The following OTUD7B variants were observed in gnomAD, a reference collection of about 807,000 sequenced individuals.
OTUD7B encodes the protein OTU domain-containing protein 7B.
OTUD7B carries 34 observed loss-of-function variants against 82.2 expected under a neutral mutation model. The ratio of observed to expected loss-of-function variants is 0.41; its 90% CI spans 0.31 to 0.55. The LOEUF is 0.55. Ranked by LOEUF, OTUD7B falls within the 20% of genes least tolerant of loss-of-function variation. OTUD7B has a pLI of 0.20. For missense variants in OTUD7B, 944 were observed against 1,062.1 expected, an observed-to-expected ratio of 0.89 and a Z score of 1.55; for synonymous variants, 398 against 402.7, an observed-to-expected ratio of 0.99 and a Z score of 0.14.
chr1:149,940,425 T>A lies in OTUD7B; in HGVS notation c.*3432A>T, dbSNP rs1239219440. The A allele has an allele frequency of 6.6e-6, 1 of 152,144 alleles. No homozygotes were observed. The highest frequency in any genetic ancestry group is 1.5e-5 in the Non-Finnish European group (1 of 68,018). The allele number at this position is 152,144 out of a possible 1,614,324, so 9.4% of individuals were successfully genotyped here. A position where few individuals can be genotyped will look rare whatever the true frequency, so the allele number is the denominator to read the frequency against. Reference sequence around the variant, plus strand: ...TAACTTTCAATAAATGCAGCATAGGTTAAGGGAGAAGCGGAGGCCTATCCT... The same window carrying A: ...TAACTTTCAATAAATGCAGCATAGGATAAGGGAGAAGCGGAGGCCTATCCT... On this transcript the variant is annotated 3_prime_UTR_variant, in exon 12 of 12. Coordinates refer to ENST00000581312, the MANE Select transcript of OTUD7B (RefSeq NM_020205.4).
chr1:150,005,767 A>G (rs1553785943), intron 1 of OTUD7B, among the ~76,000 whole-genome samples: 3 of 152,136 alleles, frequency 2.0e-5, no homozygotes, highest in Non-Finnish European at 4.4e-5. Context: ...ACAAAGCACA[A>G]GTCCTTTGAG....
the OTUD7B span, among the ~76,000 whole-genome samples, chr1:150,049,828 C>T: frequency 2.0e-5 from 3 of 152,196 alleles, no homozygotes; most frequent in South Asian, 4.2e-4. Flanking sequence ...TCCGCCTTGG[C>T]TTCCCAAAGT....
At chr1:150,018,497 T>C in the OTUD7B span, among the ~76,000 whole-genome samples, 4 of 152,188 alleles carry the variant, frequency 2.6e-5, no homozygotes, top group African/African-American at 9.7e-5. Flanking sequence ...CTGCAGCTAG[T>C]GTCATACTGC....
At chr1:149,949,961 C>G (rs1648060596) in intron 8 of OTUD7B, 133 bp downstream of exon 8, 1 of 1,349,380 alleles carries the variant, frequency 7.4e-7, no homozygotes, top group African/African-American at 1.5e-5. Context: ...GAATTTTGCA[C>G]TATTCTAATT....
rs147162087 is a variant in OTUD7B, at chr1:149,964,853, C to T, written c.605-504G>A. Reference sequence around the variant, plus strand: ...AGGTGATCCACCCACCTTGGCATCCCAAAGTGCTGGGACTACAGGCGTGAG... The same window carrying T: ...AGGTGATCCACCCACCTTGGCATCCTAAAGTGCTGGGACTACAGGCGTGAG... On this transcript the variant is annotated intron_variant, in intron 5 of 11. Coordinates refer to ENST00000581312, the MANE Select transcript of OTUD7B (RefSeq NM_020205.4). Among the ~76,000 whole-genome samples, 302 of 150,510 alleles carry T rather than the reference C, an allele frequency of 2.0e-3. 2 individuals are homozygous for T. Among genetic ancestry groups the T allele is most frequent in the Middle Eastern group, 0.017 (5 of 286 alleles).
chr1:150,062,134 CA>C, the OTUD7B span, among the ~76,000 whole-genome samples: 1 of 152,104 alleles, frequency 6.6e-6, no homozygotes, highest in East Asian at 1.9e-4. Context: ...TTTCACGGAA[CA>C]AAGAAAGGAA....
At chr1:150,029,941 A>G in the OTUD7B span, among the ~76,000 whole-genome samples, 23,501 of 152,042 alleles carry the variant, frequency 0.15, 1,989 homozygotes, top group African/African-American at 0.19. Context: ...GTCTATCTAG[A>G]AGAGCCCAGG....
rs916399981 is a variant in OTUD7B, at chr1:149,944,367, C to T, written c.2022G>A (p.Glu674=). 3.7e-6 allele frequency: 6 copies of T among 1,613,828 alleles called. No homozygotes were observed. The highest frequency in any genetic ancestry group is 5.1e-6 in the Non-Finnish European group (6 of 1,179,826). ...AKKPEPDARE[E]QPTGPPAESR... is the part of the protein sequence containing the mutation. ...ACTCTGCTGGGGGACCGGTCGGCTG[C>T]TCTTCCCTAGCATCTGGCTCTGGCT... The change falls in exon 12 of 12, where the codon GAG becomes GAA. Residue 674 remains glutamate, a synonymous_variant. Transcript: ENST00000581312.
chr1:149,944,673 C>T lies in OTUD7B; in HGVS notation c.1716G>A (p.Val572=). The change falls in exon 12 of 12, where the codon GTG becomes GTA. Residue 572 remains valine (V), a synonymous_variant. Transcript: ENST00000581312. ...CAGACTCAGCTGGGGGCTTCTCAGACACAGGCCCATCCCCAGCTGCCTCCT... is the reference window on the plus strand; with the variant it reads ...CAGACTCAGCTGGGGGCTTCTCAGATACAGGCCCATCCCCAGCTGCCTCCT... ...GKEEAAGDGP[V]SEKPPAESVG... is the part of the protein sequence containing the mutation. 1 of 1,613,928 alleles carries T rather than the reference C, an allele frequency of 6.2e-7. No individual in the cohort carries two copies. Among genetic ancestry groups the T allele is most frequent in the Non-Finnish European group, 8.5e-7 (1 of 1,180,018 alleles).
chr1:149,947,448 G>C, intron 10 of OTUD7B, 113 bp from the exon 11 acceptor site: 1 of 603,544 alleles, frequency 1.7e-6, no homozygotes, highest in Non-Finnish European at 3.1e-6. Context: ...AAATAGGGTT[G>C]GGTTTGAACT....
At chr1:150,003,051 C>T (rs1467794143) in intron 1 of OTUD7B, among the ~76,000 whole-genome samples, 6 of 151,942 alleles carry the variant, frequency 3.9e-5, no homozygotes, top group Non-Finnish European at 8.8e-5. Flanking sequence ...GAGATCAAGA[C>T]CATCCTGGCT....
chr1:149,979,204 C>A (rs1470648907), intron 1 of OTUD7B, among the ~76,000 whole-genome samples: 1 of 152,082 alleles, frequency 6.6e-6, no homozygotes, highest in East Asian at 1.9e-4. Context: ...AATGACTAAG[C>A]CAATTTCCAC....
At chr1:149,956,635 A>G (rs1313911030) in intron 7 of OTUD7B, among the ~76,000 whole-genome samples, 1 of 152,170 alleles carries the variant, frequency 6.6e-6, no homozygotes, top group Non-Finnish European at 1.5e-5. Context: ...GTGTTTTCCA[A>G]CTTGGTTCCA....
chr1:150,006,711 C>T (rs1652696986), intron 1 of OTUD7B, among the ~76,000 whole-genome samples: 1 of 152,194 alleles, frequency 6.6e-6, no homozygotes, highest in Non-Finnish European at 1.5e-5. Flanking sequence ...TTACTATAAG[C>T]TCTTGAGGAG....
chr1:149,950,645 C>T (rs1648119827), intron 7 of OTUD7B, among the ~76,000 whole-genome samples: 1 of 152,150 alleles, frequency 6.6e-6, no homozygotes, highest in Non-Finnish European at 1.5e-5. Context: ...CAATTCCTTT[C>T]CTATGTTCCT....
Position 149,937,980 on chromosome 1 carries a change from G to A in OTUD7B, c.*5877C>T, listed in dbSNP as rs1320601110. ...TGTCTTGGCTGCAACTGTGGAAATA[G>A]TGAAGATATTGTGAGACAGAAAGTC... On this transcript the variant is annotated 3_prime_UTR_variant, in exon 12 of 12. Transcript: ENST00000581312. 6.6e-6 allele frequency: 1 copy of A among 152,118 alleles called. No homozygotes were observed. The highest frequency in any genetic ancestry group is 1.9e-4 in the East Asian group (1 of 5,164). The allele number at this position is 152,118 out of a possible 1,614,324, so 9.4% of individuals were successfully genotyped here.
chr1:149,989,745 A>AG (rs1297424750), intron 1 of OTUD7B, among the ~76,000 whole-genome samples: 3 of 108,772 alleles, frequency 2.8e-5, no homozygotes, highest in Non-Finnish European at 5.3e-5. Flanking sequence ...TTAAAAAAAA[A>AG]AAGAAGAAGA....
chr1:149,999,162 G>A (rs1174380005), intron 1 of OTUD7B, among the ~76,000 whole-genome samples: 1 of 152,096 alleles, frequency 6.6e-6, no homozygotes, highest in Non-Finnish European at 1.5e-5. Context: ...AGGGAAATTT[G>A]CACAGATGAT....
the OTUD7B span, among the ~76,000 whole-genome samples, chr1:150,065,756 C>T: frequency 6.7e-6 from 1 of 149,400 alleles, no homozygotes; most frequent in Non-Finnish European, 1.5e-5. Context: ...TTTAAAATGG[C>T]TTGTGTGGTT....
Sources: allele counts gnomAD v4.1 joint callset (sites outside exome capture counted in the v4.1 genomes callset), GRCh38; gene constraint gnomAD v4.1.1; transcripts MANE v1.5; gene names NCBI Gene and HGNC (gene_info 2026-07-23, HGNC 2026-07-21).